Variants in ZNF618 observed in about 807,000 individuals in gnomAD.
ZNF618 encodes zinc finger protein 618.
ZNF618 carries 34 observed loss-of-function variants against 103.0 expected under a neutral mutation model. The observed-to-expected ratio is 0.33, with a 90% CI of 0.25 to 0.44. The LOEUF is 0.44. Among genes scored for constraint, ZNF618 ranks in the 20% least tolerant of loss-of-function variants. The probability of loss-of-function intolerance (pLI) is 1.00; values close to 1 mark genes in which losing one functional copy is unlikely to be tolerated. For missense variants in ZNF618, 1,059 were observed against 1,295.4 expected (o/e 0.82, Z 2.80); for synonymous variants, 551 against 542.2 (o/e 1.02, Z -0.23).
chr9:113,876,516 C>A (rs1827947418), intron 1 of ZNF618, 103 bp downstream of exon 1: 1 of 956,716 alleles, frequency 1.0e-6, no homozygotes, highest in Non-Finnish European at 1.3e-6. Flanking sequence ...ATGCAAAGTG[C>A]CTGGGCACGT....
intron 1 of ZNF618, among the ~76,000 whole-genome samples, chr9:113,892,484 G>A (rs992506310): frequency 6.6e-6 from 1 of 152,070 alleles, no homozygotes; most frequent in Non-Finnish European, 1.5e-5. Flanking sequence ...ACTTAACACT[G>A]CTGGATTGTA....
chr9:113,888,502 G>T (rs1829287921), intron 1 of ZNF618, among the ~76,000 whole-genome samples: 1 of 152,348 alleles, frequency 6.6e-6, no homozygotes, highest in Middle Eastern at 3.4e-3. Flanking sequence ...CTTGGAATCG[G>T]GGCCTCCCGG....
intron 1 of ZNF618, among the ~76,000 whole-genome samples, chr9:113,899,054 AC>A (rs1276082135): frequency 6.6e-6 from 1 of 151,746 alleles, no homozygotes; most frequent in Admixed American, 6.6e-5. Context: ...ATTTGTCCCC[AC>A]ATCTGTAACA....
chr9:114,007,703 G>A (rs1002389129), intron 7 of ZNF618, among the ~76,000 whole-genome samples: 7 of 152,292 alleles, frequency 4.6e-5, no homozygotes, highest in South Asian at 2.1e-4. Context: ...TTGGAATTTC[G>A]TATCGAGTCA....
chr9:113,888,793 A>G (rs1829319920), intron 1 of ZNF618, among the ~76,000 whole-genome samples: 1 of 152,230 alleles, frequency 6.6e-6, no homozygotes, highest in Non-Finnish European at 1.5e-5. Flanking sequence ...AGGTTGTCTC[A>G]GAAGGCATGT....
intron 1 of ZNF618, among the ~76,000 whole-genome samples, chr9:113,888,026 TGTAAA>T (rs1370301060): frequency 6.6e-6 from 1 of 152,180 alleles, no homozygotes; most frequent in Non-Finnish European, 1.5e-5. Context: ...ACAGTCACCT[TGTAAA>T]GTAGGGTTTG....
chr9:113,967,066 G>A (rs1357750790), intron 1 of ZNF618, among the ~76,000 whole-genome samples: 8 of 152,194 alleles, frequency 5.3e-5, no homozygotes, highest in African/African-American at 1.9e-4. Context: ...AACTCTGTGT[G>A]AAATTGTGAA....
At chr9:113,978,510 C>T (rs539186640) in intron 2 of ZNF618, among the ~76,000 whole-genome samples, 2 of 152,178 alleles carry the variant, frequency 1.3e-5, no homozygotes, top group African/African-American at 2.4e-5. Context: ...TATTTCATGT[C>T]GGTGTGACTT....
At chr9:113,922,799 A>G (rs1167722293) in intron 1 of ZNF618, among the ~76,000 whole-genome samples, 2 of 152,174 alleles carry the variant, frequency 1.3e-5, no homozygotes, top group Non-Finnish European at 2.9e-5. Context: ...TTTGCCTTTC[A>G]GTATATACAC....
chr9:113,951,475 G>GTACACATATATGTGTATATA (rs1564207316), intron 1 of ZNF618, among the ~76,000 whole-genome samples: 2 of 27,356 alleles, frequency 7.3e-5, no homozygotes, highest in African/African-American at 2.3e-4. Flanking sequence ...ATGTGTGTAT[G>GTACACATATATGTGTATATA]TGTACACATA....
intron 9 of ZNF618, among the ~76,000 whole-genome samples, chr9:114,014,494 A>G (rs1842504574): frequency 6.6e-6 from 1 of 152,092 alleles, no homozygotes; most frequent in African/African-American, 2.4e-5. Flanking sequence ...TAGACTGTAA[A>G]CTCCTTGAAG....
intron 1 of ZNF618, among the ~76,000 whole-genome samples, chr9:113,962,101 G>T (rs1308267466): frequency 6.6e-6 from 1 of 152,176 alleles, no homozygotes; most frequent in Non-Finnish European, 1.5e-5. Context: ...TCCCTGCAGG[G>T]TTACTGGGAG....
intron 1 of ZNF618, among the ~76,000 whole-genome samples, chr9:113,945,181 C>T (rs1031670510): frequency 6.6e-6 from 1 of 152,198 alleles, no homozygotes; most frequent in Non-Finnish European, 1.5e-5. Context: ...TGAGCCCTCA[C>T]ACATGCTGTT....
chr9:113,894,877 T>C (rs890426038), intron 1 of ZNF618, among the ~76,000 whole-genome samples: 6 of 152,184 alleles, frequency 3.9e-5, no homozygotes, highest in Non-Finnish European at 7.4e-5. Context: ...TAGGCAATAA[T>C]ATCATATGCA....
chr9:114,018,388 G>A (rs1842811377), intron 10 of ZNF618, among the ~76,000 whole-genome samples: 1 of 152,268 alleles, frequency 6.6e-6, no homozygotes, highest in African/African-American at 2.4e-5. Flanking sequence ...CAGTGAAGCA[G>A]CAACTGCCCT....
chr9:113,928,944 T>A (rs967097730), intron 1 of ZNF618, among the ~76,000 whole-genome samples: 1 of 152,220 alleles, frequency 6.6e-6, no homozygotes, highest in Non-Finnish European at 1.5e-5. Flanking sequence ...CAGTTGTCCT[T>A]CCCTTAGGTC....
chr9:114,008,576 G>T, intron 9 of ZNF618, 22 bp downstream of exon 9: 1 of 1,612,734 alleles, frequency 6.2e-7, no homozygotes, highest in Non-Finnish European at 8.5e-7. Context: ...TCCCTCTGGG[G>T]CCAAGGGCTG....
In ZNF618 at chr9:113,943,192, T is replaced by A. The variant is rs373966194; in HGVS notation, c.34-25925T>A. 1.2e-4 allele frequency among the ~76,000 whole-genome samples: 19 copies of A among 152,306 alleles called. No individual in the cohort carries two copies. The East Asian group carries it at 2.7e-3, about 22-fold the overall frequency. ...CACTGGTAAGACAAGCAGGATGCCATCCTTGCTCTCCAGTGGCTCAGAGCA... is the reference window on the plus strand; with the variant it reads ...CACTGGTAAGACAAGCAGGATGCCAACCTTGCTCTCCAGTGGCTCAGAGCA... On this transcript the variant is annotated intron_variant, in intron 1 of 14. Transcript: ENST00000374126.
At chr9:113,964,257 A>G (rs549344961) in intron 1 of ZNF618, among the ~76,000 whole-genome samples, 23 of 152,332 alleles carry the variant, frequency 1.5e-4, no homozygotes, top group African/African-American at 5.5e-4. Flanking sequence ...TATCGAAGAA[A>G]GGCATTTCAT....
Sources: gnomAD v4.1 joint callset for allele counts (sites outside exome capture counted in the v4.1 genomes callset) on GRCh38, gnomAD v4.1.1 for gene constraint, MANE v1.5 for transcripts, NCBI Gene and HGNC (gene_info 2026-07-23, HGNC 2026-07-21) for gene names.